The following MINDY3 variants were observed in gnomAD, a reference collection of about 807,000 sequenced individuals.
MINDY3 encodes ubiquitin carboxyl-terminal hydrolase MINDY-3.
In MINDY3, 38 loss-of-function variants were observed where a neutral mutation model predicts 69.2. The ratio of observed to expected loss-of-function variants is 0.55; its 90% CI spans 0.42 to 0.72. The LOEUF (loss-of-function observed/expected upper bound fraction) is 0.72, where lower values mean the gene tolerates loss of function less well. Ranked by LOEUF, MINDY3 falls within the 30% of genes least tolerant of loss-of-function variation. MINDY3 has a pLI of 0.00. For missense variants in MINDY3, 522 were observed against 519.0 expected (o/e 1.01, Z -0.06); for synonymous variants, 192 against 180.1 (o/e 1.07, Z -0.53).
intron 10 of MINDY3, among the ~76,000 whole-genome samples, chr10:15,797,261 T>C (rs1206139531): frequency 6.6e-6 from 1 of 152,102 alleles, no homozygotes; most frequent in African/African-American, 2.4e-5. Context: ...AGGCAACCTG[T>C]GCAAGCCCTT....
chr10:15,790,831 C>T (rs976925626), intron 11 of MINDY3, among the ~76,000 whole-genome samples: 21 of 152,098 alleles, frequency 1.4e-4, no homozygotes, highest in Admixed American at 3.9e-4. Context: ...ATCAACCTTT[C>T]GGGTGAGGGA....
At chr10:15,780,094 T>C (rs946523633) in intron 14 of MINDY3, among the ~76,000 whole-genome samples, 3 of 152,210 alleles carry the variant, frequency 2.0e-5, no homozygotes, top group Non-Finnish European at 4.4e-5. Flanking sequence ...ATTCACTGGC[T>C]GATACACATG....
intron 8 of MINDY3, among the ~76,000 whole-genome samples, chr10:15,831,167 T>C (rs1053828696): frequency 2.0e-5 from 3 of 152,120 alleles, no homozygotes; most frequent in Admixed American, 6.5e-5. Flanking sequence ...AAAGGAGTTA[T>C]GAGGAGTAGA....
chr10:15,791,727 C>G (rs1443610714), intron 11 of MINDY3, among the ~76,000 whole-genome samples: 1 of 152,066 alleles, frequency 6.6e-6, no homozygotes, highest in Non-Finnish European at 1.5e-5. Flanking sequence ...GGAGGAATAA[C>G]TCAATGCAAA....
chr10:15,813,569 A>G (rs1181986082), intron 10 of MINDY3, among the ~76,000 whole-genome samples: 1 of 152,196 alleles, frequency 6.6e-6, no homozygotes, highest in East Asian at 1.9e-4. Context: ...GTCCGCCTCC[A>G]TTAAGAACAG....
chr10:15,795,459 G>A (rs1837744430), intron 11 of MINDY3, among the ~76,000 whole-genome samples: 1 of 152,044 alleles, frequency 6.6e-6, no homozygotes, highest in African/African-American at 2.4e-5. Flanking sequence ...TTTCTACACG[G>A]TACTTCGTAA....
chr10:15,857,865 T>C, intron 1 of MINDY3: 1 of 728,940 alleles, frequency 1.4e-6, no homozygotes, highest in South Asian at 6.2e-5. Context: ...GAAATATCTC[T>C]AGACATAATT....
At chr10:15,804,995 C>G (rs1184003578) in intron 10 of MINDY3, among the ~76,000 whole-genome samples, 2 of 152,132 alleles carry the variant, frequency 1.3e-5, no homozygotes, top group Non-Finnish European at 2.9e-5. Flanking sequence ...GCAGACAGCC[C>G]TCTGACGTTC....
intron 10 of MINDY3, among the ~76,000 whole-genome samples, chr10:15,805,257 G>A (rs1838554752): frequency 6.6e-6 from 1 of 152,080 alleles, no homozygotes; most frequent in Non-Finnish European, 1.5e-5. Flanking sequence ...AATGATGAAA[G>A]GCTTAAAGAA....
chr10:15,809,737 T>C (rs1418115640), intron 10 of MINDY3, among the ~76,000 whole-genome samples: 1 of 152,134 alleles, frequency 6.6e-6, no homozygotes, highest in Non-Finnish European at 1.5e-5. Context: ...CCCTCAGTAG[T>C]AACTACAAAA....
intron 8 of MINDY3, among the ~76,000 whole-genome samples, chr10:15,826,177 T>C (rs1374797835): frequency 1.3e-5 from 2 of 152,098 alleles, no homozygotes; most frequent in Admixed American, 1.3e-4. Flanking sequence ...CTGAGAACCT[T>C]AGAAGGAGTT....
chr10:15,793,478 T>C (rs1837572920), intron 11 of MINDY3, among the ~76,000 whole-genome samples: 2 of 152,150 alleles, frequency 1.3e-5, no homozygotes, highest in Admixed American at 6.6e-5. Flanking sequence ...ATCCTCAAGA[T>C]TCTGAAATGG....
intron 8 of MINDY3, among the ~76,000 whole-genome samples, chr10:15,822,861 T>C (rs1399252671): frequency 2.6e-5 from 4 of 152,172 alleles, no homozygotes; most frequent in Non-Finnish European, 5.9e-5. Context: ...AGTCTTTTCA[T>C]AAACGATACC....
At chr10:15,823,332 A>T (rs1182800735) in intron 8 of MINDY3, among the ~76,000 whole-genome samples, 1 of 152,196 alleles carries the variant, frequency 6.6e-6, no homozygotes, top group Admixed American at 6.5e-5. Flanking sequence ...CATGATTTTC[A>T]TAATATGATG....
At chr10:15,821,574 T>C in intron 9 of MINDY3, 82 bp downstream of exon 9, 1 of 1,012,802 alleles carries the variant, frequency 9.9e-7, no homozygotes, top group South Asian at 1.5e-5. Flanking sequence ...TGCTCAAATG[T>C]GCTGTCAGAG....
chr10:15,841,323 CATGTT>C (rs1833452533), intron 4 of MINDY3, 98 bp downstream of exon 4: 1 of 868,850 alleles, frequency 1.2e-6, no homozygotes, highest in African/African-American at 1.7e-5. Context: ...GAAAAGAATA[CATGTT>C]ATGAAAATTT....
chr10:15,818,951 T>C (rs753494024), intron 9 of MINDY3, among the ~76,000 whole-genome samples: 11 of 152,134 alleles, frequency 7.2e-5, no homozygotes, highest in Non-Finnish European at 1.5e-4. Context: ...AAGCCCTGAA[T>C]TGTATGCTTT....
At chr10:15,780,979 G>A (rs1836483749) in intron 14 of MINDY3, among the ~76,000 whole-genome samples, 1 of 152,064 alleles carries the variant, frequency 6.6e-6, no homozygotes, top group South Asian at 2.1e-4. Flanking sequence ...GTAAAATATG[G>A]ATAATATTTG....
At chr10:15,795,208 A>C (rs573542171) in intron 11 of MINDY3, among the ~76,000 whole-genome samples, 28 of 152,180 alleles carry the variant, frequency 1.8e-4, no homozygotes, top group African/African-American at 6.5e-4. Flanking sequence ...CGCCTCTAAG[A>C]ACTAGTTACA....
Sources: gnomAD v4.1 joint callset for allele counts (sites outside exome capture counted in the v4.1 genomes callset) on GRCh38, gnomAD v4.1.1 for gene constraint, MANE v1.5 for transcripts, NCBI Gene and HGNC (gene_info 2026-07-23, HGNC 2026-07-21) for gene names.